The following CHST11 variants were observed in gnomAD, a reference collection of about 807,000 sequenced individuals.
CHST11 encodes C4S-1.
A neutral mutation model predicts 30.4 loss-of-function variants in CHST11; 9 were observed. The ratio of observed to expected loss-of-function variants is 0.30; its 90% CI spans 0.18 to 0.52. The LOEUF is 0.52. CHST11 is among the 20% of genes least tolerant of loss of function. The pLI is 0.97. For missense variants in CHST11, 348 were observed against 460.6 expected (o/e 0.76, Z 2.24); for synonymous variants, 152 against 187.8 (o/e 0.81, Z 1.56).
chr12:104,629,197 C>A (rs2039247873), intron 2 of CHST11, among the ~76,000 whole-genome samples: 1 of 152,238 alleles, frequency 6.6e-6, no homozygotes, highest in Non-Finnish European at 1.5e-5. Context: ...GGTAACAAAT[C>A]ACACAAACTT....
chr12:104,556,329 G>C (rs1257080361), intron 1 of CHST11, among the ~76,000 whole-genome samples: 1 of 152,062 alleles, frequency 6.6e-6, no homozygotes, highest in Non-Finnish European at 1.5e-5. Flanking sequence ...GATTATATGA[G>C]GGCTACAGGA....
chr12:104,627,194 A>G (rs538868945), intron 2 of CHST11, among the ~76,000 whole-genome samples: 2 of 152,256 alleles, frequency 1.3e-5, no homozygotes, highest in East Asian at 3.9e-4. Flanking sequence ...TTAGTACTGA[A>G]TATTCCATTG....
intron 2 of CHST11, among the ~76,000 whole-genome samples, chr12:104,737,119 A>C (rs1302325527): frequency 6.6e-6 from 1 of 152,260 alleles, no homozygotes; most frequent in Non-Finnish European, 1.5e-5. Flanking sequence ...TAAGGAAAGG[A>C]AGTTAATCAG....
intron 2 of CHST11, among the ~76,000 whole-genome samples, chr12:104,672,844 C>T (rs1566032416): frequency 6.6e-6 from 1 of 152,212 alleles, no homozygotes; most frequent in South Asian, 2.1e-4. Context: ...CACTCAGACA[C>T]CCAGGCGTGA....
At chr12:104,519,666 C>A (rs2038057643) in intron 1 of CHST11, among the ~76,000 whole-genome samples, 1 of 152,192 alleles carries the variant, frequency 6.6e-6, no homozygotes, top group Admixed American at 6.5e-5. Flanking sequence ...GTTATTATGG[C>A]CCTGCTTGAT....
In CHST11 at chr12:104,753,501, T is replaced by C. The variant is rs549419097; in HGVS notation, c.205-3448T>C. 2.0e-5 allele frequency among the ~76,000 whole-genome samples: 3 copies of C among 152,378 alleles called. No homozygotes were observed. The South Asian group carries it at 6.2e-4, about 32-fold the overall frequency. ...CTTTTGATATTTCTTGGCATATGCC[T>C]AGTGTCACTTATACTTGGAGAACTA... On this transcript the variant is annotated intron_variant, in intron 2 of 2. Coordinates refer to ENST00000303694, the MANE Select transcript of CHST11 (RefSeq NM_018413.6).
chr12:104,703,479 T>A (rs911497387), intron 2 of CHST11, among the ~76,000 whole-genome samples: 2 of 152,190 alleles, frequency 1.3e-5, no homozygotes, highest in African/African-American at 2.4e-5. Context: ...AGGAGATCAA[T>A]AATTCAACCA....
At chr12:104,615,863 G>A (rs2039103339) in intron 2 of CHST11, among the ~76,000 whole-genome samples, 1 of 152,144 alleles carries the variant, frequency 6.6e-6, no homozygotes, top group Non-Finnish European at 1.5e-5. Context: ...GGGAAGTGGA[G>A]GCTGCAGTGA....
intron 2 of CHST11, among the ~76,000 whole-genome samples, chr12:104,611,659 C>T (rs570883386): frequency 1.4e-4 from 21 of 152,256 alleles, no homozygotes; most frequent in Admixed American, 6.5e-4. Context: ...GGTGCAGAGG[C>T]GGCTGGCCAT....
chr12:104,604,301 G>A (rs1193537806), intron 2 of CHST11, among the ~76,000 whole-genome samples: 1 of 152,166 alleles, frequency 6.6e-6, no homozygotes, highest in African/African-American at 2.4e-5. Flanking sequence ...GGGCGTAGGT[G>A]GATGAGTCAC....
At chr12:104,543,705 T>C (rs2038307056) in intron 1 of CHST11, among the ~76,000 whole-genome samples, 2 of 152,180 alleles carry the variant, frequency 1.3e-5, no homozygotes, top group African/African-American at 2.4e-5. Flanking sequence ...CTGAAGTCAC[T>C]GTATACTTTT....
intron 2 of CHST11, among the ~76,000 whole-genome samples, chr12:104,616,509 A>G (rs977854111): frequency 6.7e-6 from 1 of 149,884 alleles, no homozygotes; most frequent in South Asian, 2.1e-4. Flanking sequence ...TCTGTCGCCT[A>G]GTCTGGAGTG....
intron 1 of CHST11, among the ~76,000 whole-genome samples, chr12:104,494,638 T>C (rs1205335609): frequency 6.6e-6 from 1 of 152,210 alleles, no homozygotes; most frequent in Non-Finnish European, 1.5e-5. Context: ...AACAATGTCG[T>C]AGGCGTATTA....
intron 1 of CHST11, among the ~76,000 whole-genome samples, chr12:104,584,627 A>G (rs1274411211): frequency 3.3e-5 from 5 of 152,044 alleles, no homozygotes; most frequent in Admixed American, 2.0e-4. Context: ...CGACCCACAT[A>G]ATATTTTGAA....
At chr12:104,542,329 A>G (rs2038293922) in intron 1 of CHST11, among the ~76,000 whole-genome samples, 1 of 152,252 alleles carries the variant, frequency 6.6e-6, no homozygotes, top group Non-Finnish European at 1.5e-5. Context: ...CATTATTCAC[A>G]ATAGCCAAAA....
intron 2 of CHST11, among the ~76,000 whole-genome samples, chr12:104,691,596 T>TCCTG (rs1190598522): frequency 6.6e-6 from 1 of 151,784 alleles, no homozygotes; most frequent in Admixed American, 6.6e-5. Context: ...CAAGCGATTC[T>TCCTG]CCTGCCTCAG....
intron 1 of CHST11, among the ~76,000 whole-genome samples, chr12:104,540,432 A>G (rs2038275662): frequency 6.6e-6 from 1 of 152,228 alleles, no homozygotes; most frequent in Admixed American, 6.5e-5. Context: ...TCTTCACTTT[A>G]ATCAATAGCT....
At chr12:104,754,489 A>G (rs2136147919) in intron 2 of CHST11, among the ~76,000 whole-genome samples, 1 of 152,304 alleles carries the variant, frequency 6.6e-6, no homozygotes, top group South Asian at 2.1e-4. Context: ...AGGTCTTTCC[A>G]TAGCATGACT....
intron 1 of CHST11, among the ~76,000 whole-genome samples, chr12:104,556,580 C>T (rs374334727): frequency 3.9e-4 from 60 of 152,316 alleles, no homozygotes; most frequent in Non-Finnish European, 7.4e-4. Flanking sequence ...TTCCCTGGCC[C>T]GTAGACACGT....
Sources: gnomAD v4.1 joint callset for allele counts (sites outside exome capture counted in the v4.1 genomes callset) on GRCh38, gnomAD v4.1.1 for gene constraint, MANE v1.5 for transcripts, NCBI Gene and HGNC (gene_info 2026-07-23, HGNC 2026-07-21) for gene names.